NR5A2: variants seen among roughly 807,000 people sequenced by gnomAD.
NR5A2 encodes nuclear receptor subfamily 5 group A member 2.
A neutral mutation model predicts 62.7 loss-of-function variants in NR5A2; 26 were observed. The ratio of observed to expected loss-of-function variants is 0.41; its 90% confidence interval spans 0.30 to 0.58. The LOEUF (loss-of-function observed/expected upper bound fraction) is 0.58, where lower values mean the gene tolerates loss of function less well. Ranked by LOEUF, NR5A2 falls within the 20% of genes least tolerant of loss-of-function variation. NR5A2 has a pLI of 0.22. For synonymous variants in NR5A2, 246 were observed against 241.7 expected, an observed-to-expected ratio of 1.02 and a Z score of -0.16; for missense variants, 541 against 669.1, an observed-to-expected ratio of 0.81 and a Z score of 2.11.
At chr1:200,041,425 GGCCT>G (rs1157631576) in intron 2 of NR5A2, among the ~76,000 whole-genome samples, 1 of 152,154 alleles carries the variant, frequency 6.6e-6, no homozygotes, top group Non-Finnish European at 1.5e-5. Context: ...GGAGACTAGA[GGCCT>G]GCCTGTCGGG....
intron 1 of NR5A2, among the ~76,000 whole-genome samples, chr1:200,032,179 C>T (rs1558092698): frequency 6.6e-6 from 1 of 152,178 alleles, no homozygotes; most frequent in Non-Finnish European, 1.5e-5. Context: ...CCTCACGCTT[C>T]ACCTTATTGG....
chr1:200,055,398 G>A (rs1662869247), intron 5 of NR5A2, among the ~76,000 whole-genome samples: 1 of 152,086 alleles, frequency 6.6e-6, no homozygotes, highest in South Asian at 2.1e-4. Flanking sequence ...GTTTCTCCAT[G>A]TTGGTCAGGC....
At chr1:200,050,004 C>T (rs1009069366) in intron 5 of NR5A2, among the ~76,000 whole-genome samples, 9 of 152,188 alleles carry the variant, frequency 5.9e-5, no homozygotes, top group South Asian at 2.1e-4. Context: ...TCCATCAGCA[C>T]GCTGTTAAGA....
chr1:200,111,160 T>A, intron 5 of NR5A2, 42 bp from the exon 6 acceptor site: 4 of 1,598,214 alleles, frequency 2.5e-6, no homozygotes, highest in Non-Finnish European at 3.4e-6. Context: ...AACAGTGTCA[T>A]TTTTTGTTTT....
chr1:200,156,257 G>A (rs946476750), intron 7 of NR5A2, among the ~76,000 whole-genome samples: 9 of 152,226 alleles, frequency 5.9e-5, no homozygotes, highest in Non-Finnish European at 1.2e-4. Flanking sequence ...ACAGTTGTGG[G>A]AACGTCAGCA....
At chr1:200,171,306 G>A (rs1019510517) in intron 7 of NR5A2, among the ~76,000 whole-genome samples, 1 of 152,218 alleles carries the variant, frequency 6.6e-6, no homozygotes, top group African/African-American at 2.4e-5. Context: ...ACTCAGGCAT[G>A]TGGATTCAAT....
chr1:200,151,236 A>G (rs74907510), intron 7 of NR5A2, among the ~76,000 whole-genome samples: 1,634 of 152,308 alleles, frequency 0.011, 32 homozygotes, highest in African/African-American at 0.037. Context: ...TCAGTCTGTT[A>G]GGACATATTG....
Position 200,169,819 on chromosome 1 carries a change from T to C in NR5A2, c.1379-4144T>C, listed in dbSNP as rs536281913. On this transcript the variant is annotated intron_variant, in intron 7 of 7. Coordinates refer to ENST00000367362, the MANE Select transcript of NR5A2 (RefSeq NM_205860.3). ...ACTCAGAATTTGTAATGATAGGGTT[T>C]ATTAACTGGTGTTTTTAAATTGTAT... Among the ~76,000 whole-genome samples the C allele has an allele frequency of 9.7e-4, 148 of 152,354 alleles. 1 individual carries two copies. The Middle Eastern group carries it at 0.014, about 14-fold the overall frequency.
At chr1:200,096,475 G>A (rs1275926038) in intron 5 of NR5A2, among the ~76,000 whole-genome samples, 1 of 152,174 alleles carries the variant, frequency 6.6e-6, no homozygotes, top group African/African-American at 2.4e-5. Context: ...ATGTATGACT[G>A]ATATGTGGTA....
chr1:200,035,505 C>A (rs548062518), intron 1 of NR5A2, among the ~76,000 whole-genome samples: 52 of 152,210 alleles, frequency 3.4e-4, no homozygotes, highest in Non-Finnish European at 6.8e-4. Context: ...TTGCTCCCAG[C>A]TCACGCTCCG....
chr1:200,042,814 C>CT (rs1449074541), intron 2 of NR5A2: 19 of 985,456 alleles, frequency 1.9e-5, no homozygotes, highest in Non-Finnish European at 2.3e-5. Flanking sequence ...TGGTCACTGC[C>CT]CTTCCTGTGC....
At chr1:200,103,980 G>T (rs1246932442) in intron 5 of NR5A2, among the ~76,000 whole-genome samples, 3 of 152,194 alleles carry the variant, frequency 2.0e-5, no homozygotes, top group African/African-American at 7.2e-5. Flanking sequence ...GAGATGAAAT[G>T]AATGAAAACT....
chr1:200,147,875 CGGAGCGGTGGCCGGCGCG>C lies in NR5A2; in HGVS notation c.1379-26087_1379-26070del, dbSNP rs1280272920. 2 of 414,928 alleles carry C rather than the reference CGGAGCGGTGGCCGGCGCG, an allele frequency of 4.8e-6. No individual in the cohort carries two copies. Among genetic ancestry groups the C allele is most frequent in the African/African-American group, 4.1e-5 (2 of 48,328 alleles). 25.7% of individuals were successfully genotyped at this position (414,928 alleles called of 1,614,324 possible). ...GCCACCTGCTTGTAGGCGCAGTCCC[CGGAGCGGTGGCCGGCGCG>C]CGGGGAGAAGCTGCGGGCTGTGATG... On this transcript the variant is annotated intron_variant, in intron 7 of 7. Coordinates refer to ENST00000367362, the MANE Select transcript of NR5A2 (RefSeq NM_205860.3). The surrounding 1 kb of genome is among the most constrained non-coding windows in gnomAD (Gnocchi z 4.9).
intron 6 of NR5A2, 127 bp downstream of exon 6, chr1:200,111,448 A>G: frequency 9.8e-7 from 1 of 1,021,238 alleles, no homozygotes; most frequent in Non-Finnish European, 1.4e-6. Context: ...CCAATAATTT[A>G]GAAAAGATGA....
intron 5 of NR5A2, among the ~76,000 whole-genome samples, chr1:200,097,755 G>GT (rs1244073951): frequency 6.6e-6 from 1 of 152,196 alleles, no homozygotes; most frequent in East Asian, 1.9e-4. Flanking sequence ...TAGGAAGGGA[G>GT]TGTGTAGGCG....
chr1:200,105,695 T>C (rs1049643534), intron 5 of NR5A2, among the ~76,000 whole-genome samples: 7 of 152,192 alleles, frequency 4.6e-5, no homozygotes, highest in Non-Finnish European at 8.8e-5. Flanking sequence ...GTCATACCCA[T>C]AGTCCCAGCA....
At position 200,048,777 on chromosome 1, in the gene NR5A2, G is replaced by C; in HGVS notation, c.1069G>C (p.Val357Leu). 1 of 1,614,184 alleles carries C rather than the reference G, an allele frequency of 6.2e-7. No homozygotes were observed. Among genetic ancestry groups the C allele is most frequent in the Non-Finnish European group, 8.5e-7 (1 of 1,180,046 alleles). The change falls in exon 5 of 8, where the codon GTC becomes CTC. Residue 357 changes from valine (V) to leucine (L), a missense_variant. This residue lies in a region of NR5A2 where 379 missense variants were observed against 442.0 expected (regional missense o/e 0.86). Coordinates refer to ENST00000367362, the MANE Select transcript of NR5A2 (RefSeq NM_205860.3). The surrounding 1 kb of genome is among the most constrained non-coding windows in gnomAD (Gnocchi z 4.8). ...KMADQTLFSI[V>L]EWARSSIFFR... Reference sequence around the variant, plus strand: ...GGCAGATCAAACTCTCTTCTCCATTGTCGAGTGGGCCAGGAGTAGTATCTT... The same window carrying C: ...GGCAGATCAAACTCTCTTCTCCATTCTCGAGTGGGCCAGGAGTAGTATCTT...
intron 5 of NR5A2, among the ~76,000 whole-genome samples, chr1:200,088,585 C>T (rs1230355782): frequency 6.6e-6 from 1 of 152,150 alleles, no homozygotes; most frequent in African/African-American, 2.4e-5. Flanking sequence ...TAAATCTTTC[C>T]TCTTCCACTG....
rs76030912 is a variant in NR5A2 at position 200,028,868 on chromosome 1, T to C, written c.64+957T>C. Among the ~76,000 whole-genome samples, 1,278 of 152,316 alleles carry C rather than the reference T, an allele frequency of 8.4e-3. 21 individuals are homozygous for C. The highest frequency in any genetic ancestry group is 0.029 in the African/African-American group (1,216 of 41,566). ...TCCTCTTTTTTCCTTCCTAGTCAGC[T>C]GACTCCACAGAATGCAGTGGAGTCA... is the stretch of plus-strand genomic sequence containing the variant. On this transcript the variant is annotated intron_variant, in intron 1 of 7. Coordinates refer to ENST00000367362, the MANE Select transcript of NR5A2 (RefSeq NM_205860.3).
Sources: gnomAD v4.1 joint callset for allele counts (sites outside exome capture counted in the v4.1 genomes callset) on GRCh38, gnomAD v4.1.1 for gene constraint, gnomAD v4.1.1 regional missense constraint, Gnocchi (gnomAD v3.1) non-coding constraint, MANE v1.5 for transcripts, NCBI Gene and HGNC (gene_info 2026-07-23, HGNC 2026-07-21) for gene names.